STOML1: variants seen among roughly 807,000 people sequenced by gnomAD.
STOML1 encodes the protein stomatin like 1.
In STOML1, 27 loss-of-function variants were observed where a neutral mutation model predicts 35.7. The ratio of observed to expected loss-of-function variants is 0.76; its 90% CI spans 0.56 to 1.04. The LOEUF (loss-of-function observed/expected upper bound fraction) is 1.04. STOML1 is among the 50% of genes least tolerant of loss of function. The probability of loss-of-function intolerance (pLI) is 0.00; values close to 1 mark genes in which losing one functional copy is unlikely to be tolerated. For missense variants in STOML1, 451 were observed against 527.1 expected, an observed-to-expected ratio of 0.86 and a Z score of 1.41; for synonymous variants, 219 against 227.9, an observed-to-expected ratio of 0.96 and a Z score of 0.35.
intron 5 of STOML1, 95 bp from the exon 6 acceptor site, chr15:73,984,966 T>A (rs1471768882): frequency 1.4e-6 from 2 of 1,433,260 alleles, no homozygotes; most frequent in Non-Finnish European, 1.9e-6. Flanking sequence ...GCACCTTTTG[T>A]GGCAGTTTCC....
At position 73,992,229 on chromosome 15, in the gene STOML1, T is replaced by C. The variant is rs771129863; in HGVS notation, c.-6A>G. On this transcript the variant is annotated 5_prime_UTR_variant, in exon 1 of 7. Transcript: ENST00000541638. ...TACCCAGACCTGCCGAGCATGGCTT[T>C]TGACAGGAGACACGCCCCGCGCCTC... The C allele has an allele frequency of 4.4e-6, 7 of 1,592,444 alleles. No homozygotes were observed. The highest frequency in any genetic ancestry group is 1.4e-5 in the African/African-American group (1 of 71,670).
chr15:73,987,252 T>C (rs1417859002), intron 4 of STOML1: 1 of 152,776 alleles, frequency 6.5e-6, no homozygotes, highest in East Asian at 1.9e-4. Context: ...GGACTCTGAT[T>C]TCTCTAGAAG....
chr15:73,989,420 T>C (rs571713988), intron 2 of STOML1, among the ~76,000 whole-genome samples, 163 bp from the exon 3 acceptor site: 8 of 152,220 alleles, frequency 5.3e-5, no homozygotes, highest in African/African-American at 1.9e-4. Flanking sequence ...GGAAGCTAAG[T>C]GACTGCTCAA....
intron 2 of STOML1, chr15:73,990,116 C>G: frequency 2.0e-6 from 1 of 497,234 alleles, no homozygotes. Flanking sequence ...GATCCCAGGA[C>G]TTAGGAGTTT....
chr15:73,991,124 A>G (rs997051756), intron 1 of STOML1: 12 of 541,530 alleles, frequency 2.2e-5, no homozygotes, highest in Non-Finnish European at 2.6e-5. Context: ...TCTCAAAAAA[A>G]CAACAAACAA....
At chr15:73,989,672 C>A (rs547520986) in intron 2 of STOML1, among the ~76,000 whole-genome samples, 12 of 152,304 alleles carry the variant, frequency 7.9e-5, no homozygotes, top group African/African-American at 2.9e-4. Context: ...CTTTAGGTCC[C>A]TGGACCTCCT....
In STOML1 at chr15:73,983,696, C is replaced by T. The variant is rs563677692; in HGVS notation, c.*241G>A. On this transcript the variant is annotated 3_prime_UTR_variant, in exon 7 of 7. Transcript: ENST00000541638. The stretch of plus-strand genomic sequence containing the variant: ...GAATCACACCGTGCACCCAGCTCAG[C>T]GCTGGGCACTCAGCTGGGGACCGGG... 15 of 472,462 alleles carry T rather than the reference C, an allele frequency of 3.2e-5. 1 individual carries two copies. The highest frequency in any genetic ancestry group is 2.3e-4 in the East Asian group (7 of 29,948). 29.3% of individuals were successfully genotyped at this position (472,462 alleles called of 1,614,324 possible).
chr15:73,983,786 C>T lies in STOML1; in HGVS notation c.*151G>A. The stretch of plus-strand genomic sequence containing the variant: ...CGTGCATGGCAGCCGGACTCAGCCT[C>T]CTGCAGCCTCCATTCATGGGCTCTT... On this transcript the variant is annotated 3_prime_UTR_variant, in exon 7 of 7. Transcript: ENST00000541638. 2 of 855,026 alleles carry T rather than the reference C, an allele frequency of 2.3e-6. No homozygotes were observed. The highest frequency in any genetic ancestry group is 3.5e-6 in the Non-Finnish European group (2 of 564,476). 53.0% of individuals were successfully genotyped at this position (855,026 alleles called of 1,614,324 possible).
At chr15:73,985,173 C>T in intron 5 of STOML1, 145 bp downstream of exon 5, 1 of 1,051,416 alleles carries the variant, frequency 9.5e-7, no homozygotes, top group Non-Finnish European at 1.3e-6. Context: ...GACACCTGGC[C>T]TCCTCTCACT....
Position 73,989,209 on chromosome 15 carries a change from G to C in STOML1, c.289C>G (p.Arg97Gly), listed in dbSNP as rs555415174. ...RMIVFRLGRI[R>G]TPQGPGMVLL... ...ACCATGCCAGGTCCCTGGGGGGTGCGGATCCGGCCCAGGCGGAACACAATC... is the reference window on the plus strand; with the variant it reads ...ACCATGCCAGGTCCCTGGGGGGTGCCGATCCGGCCCAGGCGGAACACAATC... The change falls in exon 3 of 7, where the codon CGC (arginine) becomes GGC (glycine). Residue 97 changes from arginine (R) to glycine (G), a missense_variant. Transcript: ENST00000541638. 3.1e-6 allele frequency: 5 copies of C among 1,611,104 alleles called. No homozygotes were observed. In the Admixed American group the frequency reaches 8.4e-5, roughly 27 times the overall value.
intron 1 of STOML1, chr15:73,991,547 C>A (rs2069276168): frequency 2.2e-6 from 1 of 456,100 alleles, no homozygotes; most frequent in Non-Finnish European, 4.4e-6. Context: ...AGCGTGGGAT[C>A]TGGCCTGTAG....
upstream of STOML1, among the ~76,000 whole-genome samples, chr15:73,993,693 ACAGGAGC>A (rs201229076): frequency 8.6e-3 from 1,317 of 152,300 alleles, 19 homozygotes; most frequent in African/African-American, 0.03. Flanking sequence ...GAATGGGTAC[ACAGGAGC>A]CAGCACAGTG....
upstream of STOML1, among the ~76,000 whole-genome samples, chr15:73,993,479 A>C (rs2069345762): frequency 6.6e-6 from 1 of 151,968 alleles, no homozygotes; most frequent in African/African-American, 2.4e-5. Flanking sequence ...TGCCCACCAT[A>C]TTTGGCTTTC....
At chr15:73,985,222 G>T in intron 5 of STOML1, 96 bp downstream of exon 5, 1 of 1,353,464 alleles carries the variant, frequency 7.4e-7, no homozygotes, top group Non-Finnish European at 9.9e-7. Flanking sequence ...CATCTGTGCA[G>T]GGTGTGTACT....
intron 3 of STOML1, 26 bp downstream of exon 3, chr15:73,989,082 G>A (rs756902313): frequency 1.3e-6 from 2 of 1,559,348 alleles, no homozygotes; most frequent in Non-Finnish European, 1.7e-6. Context: ...CAGTTCCTCT[G>A]TCAAGGCAGC....
rs540160356 is a variant in STOML1 at position 73,988,519 on chromosome 15, A to C, written c.594+80T>G. 2.7e-3 allele frequency: 4,251 copies of C among 1,546,034 alleles called. 14 individuals carry two copies. The highest frequency in any genetic ancestry group is 3.6e-3 in the Non-Finnish European group (4,123 of 1,136,404). On this transcript the variant is annotated intron_variant, in intron 4 of 6. Coordinates refer to ENST00000541638, the MANE Select transcript of STOML1 (RefSeq NM_004809.5). The surrounding 1 kb of genome is among the most constrained non-coding windows in gnomAD (Gnocchi z 4.8). ...GTAAACTGAGGCCCAGAGTGGTCTG[A>C]CTCTTTTCTCAAAGTGACCTGGCAG... is the stretch of plus-strand genomic sequence containing the variant.
At chr15:73,992,376 G>C (rs1236859349), upstream of STOML1, 5 of 822,414 alleles carry the variant, frequency 6.1e-6, no homozygotes, top group African/African-American at 9.1e-5. Context: ...GCCGGCCGGG[G>C]CCCGCTTCCG....
chr15:73,991,983 C>T, intron 1 of STOML1, 108 bp downstream of exon 1: 1 of 1,425,728 alleles, frequency 7.0e-7, no homozygotes, highest in African/African-American at 1.5e-5. Flanking sequence ...AGTCCCCCCT[C>T]GTAGGGTGCG....
In STOML1 at chr15:73,984,031, C is replaced by T. The variant is rs1273629376; in HGVS notation, c.1103G>A (p.Arg368Gln). 13 of 1,614,070 alleles carry T rather than the reference C, an allele frequency of 8.1e-6. No homozygotes were observed. Among genetic ancestry groups the T allele is most frequent in the Non-Finnish European group, 8.5e-6 (10 of 1,180,030 alleles). The change falls in exon 7 of 7, where the codon CGG becomes CAG. Residue 368 changes from arginine to glutamine, a missense_variant. Transcript: ENST00000541638. ...DLRALLCRELRPLGAYMSGRL... is the reference protein window; with the variant it reads ...DLRALLCRELQPLGAYMSGRL... ...TCCACTCATGTAGGCCCCCAGGGGC[C>T]GCAGCTCTCTGCATAGCAGGGCCCG...
Sources: gnomAD v4.1 joint callset for allele counts (sites outside exome capture counted in the v4.1 genomes callset) on GRCh38, gnomAD v4.1.1 for gene constraint, Gnocchi (gnomAD v3.1) non-coding constraint, MANE v1.5 for transcripts, NCBI Gene and HGNC (gene_info 2026-07-23, HGNC 2026-07-21) for gene names.